SMG5: variants seen among roughly 807,000 people sequenced by gnomAD.
SMG5 encodes SMG5 nonsense mediated mRNA decay factor.
A neutral mutation model predicts 122.9 loss-of-function variants in SMG5; 53 were observed. The observed-to-expected ratio is 0.43, with a 90% CI of 0.35 to 0.54. The LOEUF (loss-of-function observed/expected upper bound fraction) is 0.54, where lower values mean the gene tolerates loss of function less well. Ranked by LOEUF, SMG5 falls within the 20% of genes least tolerant of loss-of-function variation. SMG5 has a pLI of 0.01. For missense variants in SMG5, 1,153 were observed against 1,285.6 expected (o/e 0.90, Z 1.58); for synonymous variants, 477 against 490.2 (o/e 0.97, Z 0.35).
chr1:156,279,088 G>T, intron 1 of SMG5, 54 bp from the exon 2 acceptor site: 1 of 1,444,900 alleles, frequency 6.9e-7, no homozygotes, highest in Non-Finnish European at 9.7e-7. Context: ...GTCCACAGAG[G>T]ATGACGCTGG....
chr1:156,279,827 A>G (rs767750587), intron 1 of SMG5, among the ~76,000 whole-genome samples: 1 of 152,198 alleles, frequency 6.6e-6, no homozygotes, highest in Non-Finnish European at 1.5e-5. Context: ...ATTCTGCTGA[A>G]GGAATTATTT....
chr1:156,286,683 T>C (rs1227277781), upstream of SMG5, among the ~76,000 whole-genome samples: 1 of 152,224 alleles, frequency 6.6e-6, no homozygotes, highest in Non-Finnish European at 1.5e-5. Context: ...TATAACCATA[T>C]GGAACAAGAA....
intron 20 of SMG5, 185 bp from the exon 21 acceptor site, chr1:156,251,181 C>T (rs538025540): frequency 1.4e-5 from 13 of 940,944 alleles, no homozygotes; most frequent in Non-Finnish European, 1.8e-5. Context: ...AAACACCAAG[C>T]CTGAGCATCG....
intron 5 of SMG5, 68 bp from the exon 6 acceptor site, chr1:156,273,518 G>T: frequency 1.4e-6 from 2 of 1,433,158 alleles, no homozygotes; most frequent in Non-Finnish European, 9.7e-7. Flanking sequence ...CCCCACATCT[G>T]GGAGTCCACT....
At chr1:156,286,041 G>C (rs999417778), upstream of SMG5, 4 of 1,554,914 alleles carry the variant, frequency 2.6e-6, no homozygotes, top group Non-Finnish European at 3.5e-6. Context: ...GGCAGGGCCT[G>C]GCTGGTGTGG....
chr1:156,257,820 G>A (rs1661650795), intron 16 of SMG5, among the ~76,000 whole-genome samples: 1 of 152,146 alleles, frequency 6.6e-6, no homozygotes, highest in Non-Finnish European at 1.5e-5. Flanking sequence ...AGAATGTGGA[G>A]GAGGGGATTG....
chr1:156,266,513 A>G, intron 11 of SMG5, 28 bp downstream of exon 11: 1 of 1,613,902 alleles, frequency 6.2e-7, no homozygotes, highest in Non-Finnish European at 8.5e-7. Context: ...CAACCTTTCC[A>G]TAGTGATGAC....
upstream of SMG5, chr1:156,286,322 C>T (rs151300248): frequency 2.3e-5 from 37 of 1,614,216 alleles, no homozygotes; most frequent in African/African-American, 6.7e-5. Context: ...TGGGGAGCCA[C>T]GGCGGGAGGT....
At chr1:156,279,565 G>A (rs1328438385) in intron 1 of SMG5, among the ~76,000 whole-genome samples, 1 of 152,136 alleles carries the variant, frequency 6.6e-6, no homozygotes, top group Non-Finnish European at 1.5e-5. Context: ...CAATAAAAAC[G>A]AAGATAATAA....
intron 7 of SMG5, 147 bp from the exon 8 acceptor site, chr1:156,268,562 G>T: frequency 2.0e-6 from 2 of 997,908 alleles, no homozygotes; most frequent in Non-Finnish European, 2.9e-6. Context: ...AGGCTCATGA[G>T]CTATCTTTCC....
In SMG5 at chr1:156,261,406, G is replaced by C. The variant is rs1312298155; in HGVS notation, c.2034C>G (p.Ser678Arg). The C allele has an allele frequency of 1.2e-6, 2 of 1,613,840 alleles. No individual in the cohort carries two copies. The highest frequency in any genetic ancestry group is 2.7e-5 in the African/African-American group (2 of 74,892). The change falls in exon 14 of 22, where the codon AGC (serine) becomes AGG (arginine). Residue 678 changes from serine to arginine, a missense_variant and splice_region_variant. Around this residue, in one of 5 missense-constraint regions of SMG5, gnomAD observed 631 missense variants for 650.6 expected, o/e 0.97. Coordinates refer to ENST00000361813, the MANE Select transcript of SMG5 (RefSeq NM_015327.3). The stretch of plus-strand genomic sequence containing the variant: ...ACAGGCGGTTCCACAGACTTTGAGA[G>C]CTCTGGGGAGAGAGAAGGGAGAGGA... The part of the protein sequence containing the change: ...NPDLIIVCAQ[S>R]SQSLWNRLSV...
chr1:156,266,802 T>C (rs1662173394), intron 10 of SMG5, 124 bp from the exon 11 acceptor site: 1 of 112,640 alleles, frequency 8.9e-6, no homozygotes, highest in Non-Finnish European at 1.6e-5. Flanking sequence ...TCAAAGATTC[T>C]TTTTTTTTTT....
Position 156,277,236 on chromosome 1 carries a change from G to T in SMG5, c.303C>A (p.Ile101=), listed in dbSNP as rs1378866414. 6.2e-7 allele frequency: 1 copy of T among 1,612,876 alleles called. No homozygotes were observed. The highest frequency in any genetic ancestry group is 8.5e-7 in the Non-Finnish European group (1 of 1,179,812). The change falls in exon 4 of 22, where the codon ATC becomes ATA. Residue 101 remains isoleucine (I), a synonymous_variant. Coordinates refer to ENST00000361813, the MANE Select transcript of SMG5 (RefSeq NM_015327.3). ...CACATTCCAAAGTGCTCCGGCTGTG[G>T]ATGTGCTACAGATTGCGAAAGGGAA... is the stretch of plus-strand genomic sequence containing the variant. The part of the protein sequence containing the change: ...IQLIKTNKKH[I]HSRSTLECAY...
At chr1:156,260,991 C>A (rs1283073732) in intron 14 of SMG5, among the ~76,000 whole-genome samples, 2 of 152,168 alleles carry the variant, frequency 1.3e-5, no homozygotes, top group Admixed American at 6.5e-5. Context: ...GGAGATGAGC[C>A]AGACAAACAA....
chr1:156,262,859 T>C (rs1035654099), intron 13 of SMG5, among the ~76,000 whole-genome samples: 4 of 152,110 alleles, frequency 2.6e-5, no homozygotes, highest in African/African-American at 9.7e-5. Flanking sequence ...CTCTGGGAAT[T>C]AGAAGTTCAA....
chr1:156,288,482 GA>G, the SMG5 span, among the ~76,000 whole-genome samples: 4 of 151,852 alleles, frequency 2.6e-5, no homozygotes, highest in African/African-American at 4.8e-5. Flanking sequence ...TTACAGGTGT[GA>G]GCCACCATGC....
chr1:156,259,035 C>G lies in SMG5; in HGVS notation c.2412G>C (p.Leu804=), dbSNP rs1205091589. ...GGAACTGTGCCTGGGCCTGCTGCAG[C>G]AGGCTCTCCTGCTCAGACTGGGCAA... is the stretch of plus-strand genomic sequence containing the variant. ...VSIAQSEQES[L]LQQAQAQFRM... is the part of the protein sequence containing the mutation. Residue 804 remains leucine (L), a synonymous_variant, in exon 16 of 22, where the codon CTG becomes CTC. Transcript: ENST00000361813. 6.2e-7 allele frequency: 1 copy of G among 1,613,922 alleles called. No individual in the cohort carries two copies. The highest frequency in any genetic ancestry group is 1.3e-5 in the African/African-American group (1 of 75,048).
chr1:156,285,344 G>A (rs374305244), upstream of SMG5: 95 of 1,570,776 alleles, frequency 6.0e-5, no homozygotes, highest in Non-Finnish European at 7.8e-5. Flanking sequence ...AGGTGGGGCC[G>A]AATCCCCGGG....
At chr1:156,272,854 C>T (rs971296693) in intron 6 of SMG5, among the ~76,000 whole-genome samples, 2 of 152,074 alleles carry the variant, frequency 1.3e-5, no homozygotes, top group Non-Finnish European at 2.9e-5. Flanking sequence ...GTTGAGCCAC[C>T]GCGCCCGGCC....
Sources: gnomAD v4.1 joint callset for allele counts (sites outside exome capture counted in the v4.1 genomes callset) on GRCh38, gnomAD v4.1.1 for gene constraint, gnomAD v4.1.1 regional missense constraint, MANE v1.5 for transcripts, NCBI Gene and HGNC (gene_info 2026-07-23, HGNC 2026-07-21) for gene names.